Variants in RELN observed in about 807,000 individuals in gnomAD.
RELN encodes the protein reelin.
RELN carries 108 observed loss-of-function variants against 427.6 expected under a neutral mutation model. That is an observed-to-expected ratio of 0.25 (90% CI 0.22 to 0.30). RELN has a LOEUF of 0.30. Ranked by LOEUF, RELN falls within the 10% of genes least tolerant of loss-of-function variation. The pLI is 1.00. For synonymous variants in RELN, 1,524 were observed against 1,513.4 expected (o/e 1.01, Z -0.16); for missense variants, 3,715 against 4,302.8 (o/e 0.86, Z 3.82).
intron 51 of RELN, 59 bp downstream of exon 51, chr7:103,510,792 A>AT (rs1310969165): frequency 1.5e-6 from 2 of 1,366,182 alleles, no homozygotes; most frequent in African/African-American, 2.9e-5. Context: ...TTTCTCTGAT[A>AT]TTTTTTGTTA....
chr7:103,792,821 A>G (rs190281194), intron 3 of RELN, among the ~76,000 whole-genome samples: 203 of 152,256 alleles, frequency 1.3e-3, no homozygotes, highest in African/African-American at 4.7e-3. Flanking sequence ...TAAAAAATAA[A>G]ATGGAAATAT....
Position 103,574,121 on chromosome 7 carries a change from C to G in RELN, c.4482G>C (p.Arg1494=), listed in dbSNP as rs377181911. The G allele has an allele frequency of 6.2e-7, 1 of 1,614,060 alleles. No homozygotes were observed. The highest frequency in any genetic ancestry group is 8.5e-7 in the Non-Finnish European group (1 of 1,180,018). The change falls in exon 30 of 65, where the codon CGG becomes CGC. Residue 1494 remains arginine, a synonymous_variant. Coordinates refer to ENST00000428762, the MANE Select transcript of RELN (RefSeq NM_005045.4). Reference sequence around the variant, plus strand: ...TATTCCTGGTGTCCAGAGGGACCGTCCGGGCTTCCCTTTTCCCAGGGCCAT... The same window carrying G: ...TATTCCTGGTGTCCAGAGGGACCGTGCGGGCTTCCCTTTTCCCAGGGCCAT... ...YFNGPGKREA[R]TVPLDTRNIR...
chr7:103,728,331 G>T, intron 6 of RELN, 124 bp from the exon 7 acceptor site: 1 of 892,240 alleles, frequency 1.1e-6, no homozygotes, highest in Non-Finnish European at 1.8e-6. Flanking sequence ...GAGGAAAGTA[G>T]GAGTATTTTG....
At chr7:103,916,032 A>G (rs1238739046) in intron 2 of RELN, among the ~76,000 whole-genome samples, 1 of 152,186 alleles carries the variant, frequency 6.6e-6, no homozygotes, top group Non-Finnish European at 1.5e-5. Flanking sequence ...TTTTTAAAAT[A>G]CAGCAAATTC....
chr7:103,671,218 A>G (rs1833385528), intron 11 of RELN, among the ~76,000 whole-genome samples: 1 of 152,184 alleles, frequency 6.6e-6, no homozygotes, highest in Non-Finnish European at 1.5e-5. Flanking sequence ...TTGCATTTAT[A>G]GGTTTTACCT....
chr7:103,871,295 C>G (rs541931838), intron 2 of RELN, among the ~76,000 whole-genome samples: 1 of 151,966 alleles, frequency 6.6e-6, no homozygotes, highest in African/African-American at 2.4e-5. Context: ...TCTTTAAGAA[C>G]TATCTTTTGT....
intron 11 of RELN, among the ~76,000 whole-genome samples, chr7:103,663,512 C>T (rs1424794752): frequency 6.6e-6 from 1 of 152,192 alleles, no homozygotes; most frequent in Non-Finnish European, 1.5e-5. Context: ...CAAATTGGCA[C>T]AAACTGGAAA....
chr7:103,724,476 T>C (rs918122809), intron 7 of RELN, among the ~76,000 whole-genome samples: 2 of 152,208 alleles, frequency 1.3e-5, no homozygotes, highest in Non-Finnish European at 2.9e-5. Context: ...GTGCTTTAAA[T>C]ACACGGCTAT....
At chr7:103,941,015 C>T (rs975239762) in intron 1 of RELN, among the ~76,000 whole-genome samples, 3 of 152,134 alleles carry the variant, frequency 2.0e-5, no homozygotes, top group East Asian at 1.9e-4. Flanking sequence ...TTAGCTTCTA[C>T]GCAATAAGCG....
chr7:103,983,891 GTGTGTA>G (rs894725363), intron 1 of RELN, among the ~76,000 whole-genome samples: 5 of 149,890 alleles, frequency 3.3e-5, no homozygotes, highest in Admixed American at 6.7e-5. Flanking sequence ...GTGTGTGTGT[GTGTGTA>G]TGTCTTTTAA....
At chr7:103,533,689 A>G (rs1277323554) in intron 46 of RELN, among the ~76,000 whole-genome samples, 1 of 152,238 alleles carries the variant, frequency 6.6e-6, no homozygotes, top group Admixed American at 6.5e-5. Context: ...AACATTTGAA[A>G]GGGTCAAAAT....
intron 1 of RELN, among the ~76,000 whole-genome samples, chr7:103,974,772 C>T (rs114948704): frequency 2.6e-5 from 4 of 152,220 alleles, no homozygotes; most frequent in Middle Eastern, 3.4e-3. Context: ...TGGAGCCAAA[C>T]GATTTTGGTT....
chr7:103,472,650 C>A lies in RELN; in HGVS notation c.*162G>T. ...GCAAATAAGTCACTTGTCATTAGTT[C>A]ACAGTGTGGGAAAGTGGTGTACACT... On this transcript the variant is annotated 3_prime_UTR_variant, in exon 65 of 65. Coordinates refer to ENST00000428762, the MANE Select transcript of RELN (RefSeq NM_005045.4). 1 of 637,618 alleles carries A rather than the reference C, an allele frequency of 1.6e-6. No homozygotes were observed. The highest frequency in any genetic ancestry group is 2.8e-6 in the Non-Finnish European group (1 of 351,938). The allele number at this position is 637,618 out of a possible 1,614,324, so 39.5% of individuals were successfully genotyped here.
At position 103,603,938 on chromosome 7, in the gene RELN, T is replaced by C. The variant is rs577195010; in HGVS notation, c.3146+408A>G. ...TAGAGTCTTTAGGTATTCAAGTGTG[T>C]TCCTCTGTCCTCATTAGCAATAATC... On this transcript the variant is annotated intron_variant, in intron 23 of 64. Transcript: ENST00000428762. This position sits in a 1 kb window ranked among gnomAD's most constrained non-coding sequence, Gnocchi z 4.3. 2.0e-5 allele frequency among the ~76,000 whole-genome samples: 3 copies of C among 152,200 alleles called. No individual in the cohort carries two copies. Among genetic ancestry groups the C allele is most frequent in the Non-Finnish European group, 2.9e-5 (2 of 68,032 alleles).
chr7:103,848,686 G>T (rs577248964), intron 2 of RELN, among the ~76,000 whole-genome samples: 29 of 152,228 alleles, frequency 1.9e-4, no homozygotes, highest in African/African-American at 7.0e-4. Flanking sequence ...GGAACTATGG[G>T]AATTGTATTT....
intron 26 of RELN, 51 bp from the exon 27 acceptor site, chr7:103,593,933 A>T: frequency 7.1e-7 from 1 of 1,399,716 alleles, no homozygotes; most frequent in Non-Finnish European, 1.0e-6. Flanking sequence ...AGCTTTGAAA[A>T]CAAGAAAGGA....
chr7:103,786,575 T>C (rs1446035663), intron 3 of RELN, among the ~76,000 whole-genome samples: 2 of 145,884 alleles, frequency 1.4e-5, no homozygotes, highest in Non-Finnish European at 3.0e-5. Context: ...AAACAGACTT[T>C]AAACCAACAA....
chr7:103,676,000 A>C (rs868002509), intron 11 of RELN, among the ~76,000 whole-genome samples: 5 of 152,244 alleles, frequency 3.3e-5, no homozygotes, highest in African/African-American at 1.2e-4. Flanking sequence ...TGTCTAAAAC[A>C]CCAAAAGCAA....
intron 50 of RELN, among the ~76,000 whole-genome samples, chr7:103,511,790 T>C (rs1467828660): frequency 1.3e-5 from 2 of 152,040 alleles, no homozygotes; most frequent in Non-Finnish European, 2.9e-5. Flanking sequence ...GCTGCAGTGA[T>C]TTGTGATTGT....
Sources: allele counts gnomAD v4.1 joint callset (sites outside exome capture counted in the v4.1 genomes callset), GRCh38; gene constraint gnomAD v4.1.1; non-coding constraint Gnocchi (gnomAD v3.1); transcripts MANE v1.5; gene names NCBI Gene and HGNC (gene_info 2026-07-23, HGNC 2026-07-21).